DIAPH3: variants seen among roughly 807,000 people sequenced by gnomAD.
DIAPH3 encodes protein diaphanous homolog 3.
Under a neutral mutation model 144.3 loss-of-function variants are expected in DIAPH3, and 117 were observed. The ratio of observed to expected loss-of-function variants is 0.81; its 90% CI spans 0.70 to 0.95. The LOEUF (loss-of-function observed/expected upper bound fraction) is 0.95. Ranked by LOEUF, DIAPH3 falls within the 40% of genes least tolerant of loss-of-function variation. DIAPH3 has a pLI of 0.00. For missense variants in DIAPH3, 1,421 were observed against 1,412.7 expected (o/e 1.01, Z -0.09); for synonymous variants, 519 against 488.9 (o/e 1.06, Z -0.81).
intron 20 of DIAPH3, among the ~76,000 whole-genome samples, chr13:59,905,568 T>C (rs909618078): frequency 6.6e-6 from 1 of 152,104 alleles, no homozygotes; most frequent in Non-Finnish European, 1.5e-5. Context: ...AAAATAACGG[T>C]CCCTCAAAGA....
chr13:59,899,469 A>C (rs2046314570), intron 20 of DIAPH3, among the ~76,000 whole-genome samples: 2 of 152,242 alleles, frequency 1.3e-5, no homozygotes, highest in Admixed American at 6.5e-5. Context: ...AAGGCAAGGT[A>C]CAAGTGAGAA....
chr13:59,766,205 G>C (rs910997038), intron 27 of DIAPH3, among the ~76,000 whole-genome samples: 3 of 152,120 alleles, frequency 2.0e-5, no homozygotes, highest in Admixed American at 6.6e-5. Flanking sequence ...GGCTGCTGGG[G>C]ATCATTTGCC....
chr13:60,163,904 A>T lies in DIAPH3; in HGVS notation c.-138T>A, dbSNP rs1952426097. On this transcript the variant is annotated 5_prime_UTR_variant, in exon 1 of 28. Coordinates refer to ENST00000400324, the MANE Select transcript of DIAPH3 (RefSeq NM_001042517.2). Reference sequence around the variant, plus strand: ...CAGCACAGCCTAGCCCAACCGCTGAAGTCGGGGCCGCAGCCAACACATCTG... The same window carrying T: ...CAGCACAGCCTAGCCCAACCGCTGATGTCGGGGCCGCAGCCAACACATCTG... 4 of 1,135,222 alleles carry T rather than the reference A, an allele frequency of 3.5e-6. No individual in the cohort carries two copies. The East Asian group carries it at 8.3e-5, about 23-fold the overall frequency. The allele number at this position is 1,135,222 out of a possible 1,614,324, so 70.3% of individuals were successfully genotyped here.
At chr13:59,966,689 G>T (rs1030661494) in intron 17 of DIAPH3, among the ~76,000 whole-genome samples, 1 of 152,178 alleles carries the variant, frequency 6.6e-6, no homozygotes, top group African/African-American at 2.4e-5. Context: ...CTCTTTAAAT[G>T]ATTGGATTCA....
At chr13:59,784,151 C>T (rs775359430) in intron 25 of DIAPH3, among the ~76,000 whole-genome samples, 31 of 152,048 alleles carry the variant, frequency 2.0e-4, no homozygotes, top group Non-Finnish European at 2.8e-4. Flanking sequence ...GGCGCGATCT[C>T]GGCTCACTAC....
At chr13:59,749,542 C>G (rs540540811) in intron 27 of DIAPH3, among the ~76,000 whole-genome samples, 106 of 135,598 alleles carry the variant, frequency 7.8e-4, no homozygotes, top group African/African-American at 2.5e-3. Context: ...AAAAAAAAAG[C>G]CAAATATTTT....
At chr13:59,971,483 G>GA (rs1453582308) in intron 15 of DIAPH3, among the ~76,000 whole-genome samples, 12 of 152,262 alleles carry the variant, frequency 7.9e-5, no homozygotes, top group African/African-American at 2.9e-4. Context: ...AGTCTCTGGA[G>GA]AACAGTTGAA....
At position 59,991,191 on chromosome 13, in the gene DIAPH3, T is replaced by A; in HGVS notation, c.1328A>T (p.His443Leu). Residue 443 changes from histidine to leucine, a missense_variant, in exon 12 of 28, where the codon CAT becomes CTT. By Grantham distance (99) the His-to-Leu change is moderately conservative. Transcript: ENST00000400324. ...AEGYFISILQ[H>L]LLLIRNDYFI... ...ATAATCATTTCGAATCAGCAAAAGA[T>A]GCTGAAGAATAGAAATAAAATATCC... is the stretch of plus-strand genomic sequence containing the variant. 1 of 1,610,268 alleles carries A rather than the reference T, an allele frequency of 6.2e-7. No individual in the cohort carries two copies. Among genetic ancestry groups the A allele is most frequent in the Non-Finnish European group, 8.5e-7 (1 of 1,177,828 alleles).
At chr13:59,693,721 T>C (rs1360259084) in intron 27 of DIAPH3, among the ~76,000 whole-genome samples, 1 of 152,136 alleles carries the variant, frequency 6.6e-6, no homozygotes, top group Non-Finnish European at 1.5e-5. Flanking sequence ...GAAAGAAAAT[T>C]ATTGTAAAAT....
intron 4 of DIAPH3, among the ~76,000 whole-genome samples, chr13:60,066,242 A>C (rs2056961015): frequency 6.6e-6 from 1 of 151,690 alleles, no homozygotes; most frequent in Admixed American, 6.6e-5. Context: ...AATAATAATC[A>C]ATACAACAAT....
intron 24 of DIAPH3, among the ~76,000 whole-genome samples, chr13:59,817,618 A>T (rs77998593): frequency 0.012 from 1,786 of 151,990 alleles, 28 homozygotes; most frequent in African/African-American, 0.04. Context: ...ACGATATTAC[A>T]GTCCTTTAAA....
chr13:59,801,687 C>G (rs2039908744), intron 25 of DIAPH3, among the ~76,000 whole-genome samples: 1 of 152,166 alleles, frequency 6.6e-6, no homozygotes, highest in African/African-American at 2.4e-5. Context: ...GGCATTCTAG[C>G]CTGTGTTAAG....
chr13:60,113,308 T>C (rs2058619203), intron 2 of DIAPH3, among the ~76,000 whole-genome samples: 1 of 152,222 alleles, frequency 6.6e-6, no homozygotes, highest in Non-Finnish European at 1.5e-5. Context: ...AGAGCTGGTA[T>C]AGCCATTAAA....
chr13:59,844,111 A>C (rs1252365596), intron 22 of DIAPH3, among the ~76,000 whole-genome samples: 1 of 152,154 alleles, frequency 6.6e-6, no homozygotes, highest in Non-Finnish European at 1.5e-5. Flanking sequence ...AACTTAAAAA[A>C]AAAAAAAAAG....
At chr13:59,857,531 G>C (rs1018437542) in intron 22 of DIAPH3, among the ~76,000 whole-genome samples, 4 of 151,980 alleles carry the variant, frequency 2.6e-5, no homozygotes, top group African/African-American at 9.7e-5. Context: ...GAGAAATATG[G>C]CAAAAATTAA....
At chr13:59,685,622 CT>C (rs2033176003) in intron 27 of DIAPH3, among the ~76,000 whole-genome samples, 1 of 152,042 alleles carries the variant, frequency 6.6e-6, no homozygotes, top group African/African-American at 2.4e-5. Flanking sequence ...ACCTGTAAGT[CT>C]CAGTTTCAAG....
intron 22 of DIAPH3, among the ~76,000 whole-genome samples, chr13:59,840,725 G>C (rs1463145067): frequency 3.3e-5 from 5 of 151,918 alleles, no homozygotes; most frequent in African/African-American, 1.2e-4. Context: ...TATAATACTT[G>C]TTTGTGCTTG....
intron 27 of DIAPH3, among the ~76,000 whole-genome samples, chr13:59,694,910 ATCTG>A (rs1374517541): frequency 6.6e-6 from 1 of 152,188 alleles, no homozygotes; most frequent in Non-Finnish European, 1.5e-5. Flanking sequence ...AACAAAATCC[ATCTG>A]TCTGACTGAA....
In DIAPH3 at chr13:59,847,204, A is replaced by G. The variant is rs892215505; in HGVS notation, c.2738-7756T>C. On this transcript the variant is annotated intron_variant, in intron 22 of 27. Transcript: ENST00000400324. ...TCCCATTGTTCTGATTCTTGATGGA[A>G]CCCCAGGTAATAACAAATGGAATTT... Among the ~76,000 whole-genome samples, 3 of 152,144 alleles carry G rather than the reference A, an allele frequency of 2.0e-5. No individual in the cohort carries two copies. The South Asian group carries it at 6.2e-4, about 32-fold the overall frequency.
Sources: gnomAD v4.1 joint callset for allele counts (sites outside exome capture counted in the v4.1 genomes callset) on GRCh38, gnomAD v4.1.1 for gene constraint, MANE v1.5 for transcripts, NCBI Gene and HGNC (gene_info 2026-07-23, HGNC 2026-07-21) for gene names.